The following BRWD1 variants were observed in gnomAD, a reference collection of about 807,000 sequenced individuals.
BRWD1 encodes the protein bromodomain and WD repeat-containing protein 1.
In BRWD1, 82 loss-of-function variants were observed where a neutral mutation model predicts 251.2. That is an observed-to-expected ratio of 0.33 (90% CI 0.27 to 0.39). The LOEUF is 0.39. BRWD1 is among the 10% of genes least tolerant of loss of function. The pLI is 1.00. For synonymous variants in BRWD1, 918 were observed against 902.8 expected, an observed-to-expected ratio of 1.02 and a Z score of -0.30; for missense variants, 2,233 against 2,711.6, an observed-to-expected ratio of 0.82 and a Z score of 3.92.
intron 40 of BRWD1, 60 bp from the exon 41 acceptor site, chr21:39,197,475 C>G: frequency 7.4e-7 from 1 of 1,355,370 alleles, no homozygotes; most frequent in East Asian, 2.3e-5. Flanking sequence ...ATTATATGTT[C>G]AATATTAAAA....
rs551001088 is a variant in BRWD1, at chr21:39,247,114, G to A, written c.2481+587C>T. ...AGGGCCCATTCATATAAAATGTCCA[G>A]AACAGGCAAATGCAGAAAAAGAAAA... On this transcript the variant is annotated intron_variant, in intron 21 of 40. Transcript: ENST00000342449. 1.1e-3 allele frequency among the ~76,000 whole-genome samples: 170 copies of A among 151,704 alleles called. 1 individual carries two copies. Among genetic ancestry groups the A allele is most frequent in the African/African-American group, 3.9e-3 (163 of 41,396 alleles).
intron 18 of BRWD1, among the ~76,000 whole-genome samples, chr21:39,258,282 G>C (rs770258257): frequency 4.6e-5 from 7 of 152,014 alleles, no homozygotes; most frequent in African/African-American, 1.7e-4. Context: ...AGTACAAAAG[G>C]CTTCAGCAGT....
Position 39,255,900 on chromosome 21 carries a change from C to T in BRWD1, c.2072-72G>A. 2.9e-6 allele frequency: 4 copies of T among 1,358,436 alleles called. No homozygotes were observed. In the South Asian group the frequency reaches 3.8e-5, roughly 13 times the overall value. The allele number at this position is 1,358,436 out of a possible 1,614,324, so 84.1% of individuals were successfully genotyped here. A position where few individuals can be genotyped will look rare whatever the true frequency, so the allele number is the denominator to read the frequency against. Reference sequence around the variant, plus strand: ...ATATACATTTAGCATGTAACAAGCACACGTTCACCTAAGATGCGCACCAAA... The same window carrying T: ...ATATACATTTAGCATGTAACAAGCATACGTTCACCTAAGATGCGCACCAAA... On this transcript the variant is annotated intron_variant, in intron 18 of 40. Transcript: ENST00000342449.
At chr21:39,249,933 T>C (rs938923192) in intron 20 of BRWD1, among the ~76,000 whole-genome samples, 3 of 141,724 alleles carry the variant, frequency 2.1e-5, no homozygotes, top group Non-Finnish European at 1.6e-5. Context: ...TGTGTGTGTG[T>C]GTGTGTGTGT....
intron 25 of BRWD1, among the ~76,000 whole-genome samples, chr21:39,231,840 T>C (rs2146551780): frequency 6.6e-6 from 1 of 152,356 alleles, no homozygotes; most frequent in Admixed American, 6.5e-5. Context: ...CCAGTTTTTA[T>C]TTCTTCTTTT....
At chr21:39,247,440 C>T (rs1568911992) in intron 21 of BRWD1, among the ~76,000 whole-genome samples, 2 of 152,144 alleles carry the variant, frequency 1.3e-5, no homozygotes, top group Non-Finnish European at 2.9e-5. Context: ...TGTTTATATA[C>T]AGAAAGTTTC....
intron 19 of BRWD1, 73 bp downstream of exon 19, chr21:39,255,572 C>A: frequency 8.0e-7 from 1 of 1,244,726 alleles, no homozygotes; most frequent in Non-Finnish European, 1.1e-6. Flanking sequence ...TAATGGAATA[C>A]AGAATGTGTA....
At position 39,185,883 on chromosome 21, in the gene BRWD1, C is replaced by T. The variant is rs527696819; in HGVS notation, c.*10376G>A. 23 of 152,174 alleles carry T rather than the reference C, an allele frequency of 1.5e-4. 1 individual carries two copies. The highest frequency in any genetic ancestry group is 1.3e-3 in the Admixed American group (20 of 15,290). The allele number at this position is 152,174 out of a possible 1,614,324, so 9.4% of individuals were successfully genotyped here. A position where few individuals can be genotyped will look rare whatever the true frequency, so the allele number is the denominator to read the frequency against. ...AACACGTTACTATGTTAAAAAGATG[C>T]GACAGTATATTCATTTAATCTGGCA... On this transcript the variant is annotated 3_prime_UTR_variant, in exon 41 of 41. Coordinates refer to ENST00000342449, the MANE Select transcript of BRWD1 (RefSeq NM_033656.4).
At chr21:39,276,318 A>G in intron 11 of BRWD1, 105 bp from the exon 12 acceptor site, 1 of 932,096 alleles carries the variant, frequency 1.1e-6, no homozygotes, top group South Asian at 2.3e-5. Flanking sequence ...TAACAAGCAA[A>G]ATTTGCACTT....
Position 39,236,658 on chromosome 21 carries a change from A to G in BRWD1, c.2703T>C (p.Thr901=), listed in dbSNP as rs774335752. The G allele has an allele frequency of 5.6e-6, 9 of 1,613,724 alleles. No homozygotes were observed. Among genetic ancestry groups the G allele is most frequent in the Non-Finnish European group, 7.6e-6 (9 of 1,179,834 alleles). The part of the protein sequence containing the change: ...FCSSSEDEIS[T]ENLSPPKRRR... ...TTCTTTTTGGAGGAGATAAATTCTC[A>G]GTAGATATTTCATCTTCTGAACTAC... is the stretch of plus-strand genomic sequence containing the variant. The change falls in exon 23 of 41, where the codon ACT becomes ACC. Residue 901 remains threonine (T), a synonymous_variant. Coordinates refer to ENST00000342449, the MANE Select transcript of BRWD1 (RefSeq NM_033656.4).
intron 12 of BRWD1, among the ~76,000 whole-genome samples, chr21:39,275,690 C>A (rs2146688728): frequency 6.6e-6 from 1 of 152,196 alleles, no homozygotes; most frequent in South Asian, 2.1e-4. Context: ...TATTAAAACA[C>A]CACAGTGTAC....
chr21:39,270,915 A>G (rs994294315), intron 13 of BRWD1, among the ~76,000 whole-genome samples: 2 of 152,216 alleles, frequency 1.3e-5, no homozygotes, highest in African/African-American at 4.8e-5. Flanking sequence ...CTCTTCATAC[A>G]ACTTTCCTAC....
At chr21:39,299,098 C>T (rs1016577981) in intron 4 of BRWD1, among the ~76,000 whole-genome samples, 4 of 152,122 alleles carry the variant, frequency 2.6e-5, no homozygotes, top group Admixed American at 1.3e-4. Context: ...TGGTGCACAC[C>T]TGTAGTCCCA....
At position 39,191,179 on chromosome 21, in the gene BRWD1, A is replaced by G. The variant is rs1327257316; in HGVS notation, c.*5080T>C. On this transcript the variant is annotated 3_prime_UTR_variant, in exon 41 of 41. Transcript: ENST00000342449. Reference sequence around the variant, plus strand: ...TCTACCCTATTACTGTACTACTGGAAAGAAACCAGGCCACAGACAATCCAA... The same window carrying G: ...TCTACCCTATTACTGTACTACTGGAGAGAAACCAGGCCACAGACAATCCAA... The G allele has an allele frequency of 6.1e-6, 6 of 985,194 alleles. No homozygotes were observed. Among genetic ancestry groups the G allele is most frequent in the Non-Finnish European group, 7.2e-6 (6 of 829,904 alleles). The allele number at this position is 985,194 out of a possible 1,614,324, so 61.0% of individuals were successfully genotyped here. A position where few individuals can be genotyped will look rare whatever the true frequency, so the allele number is the denominator to read the frequency against.
At position 39,261,036 on chromosome 21, in the gene BRWD1, C is replaced by A. The variant is rs371620479; in HGVS notation, c.1886-2364G>T. ...GGTCAGGAGTTCGAGACCAGACTGGCCAGCATGGTGAAACTTCATCTGTAC... is the reference window on the plus strand; with the variant it reads ...GGTCAGGAGTTCGAGACCAGACTGGACAGCATGGTGAAACTTCATCTGTAC... On this transcript the variant is annotated intron_variant, in intron 17 of 40. Transcript: ENST00000342449. Among the ~76,000 whole-genome samples, 17 of 152,192 alleles carry A rather than the reference C, an allele frequency of 1.1e-4. No homozygotes were observed. In the East Asian group the frequency reaches 2.5e-3, roughly 23 times the overall value.
At position 39,279,694 on chromosome 21, in the gene BRWD1, AT is replaced by A. The variant is rs1452613563; in HGVS notation, c.932+453del. ...GAAAACGAAAACAAAAGGAAAAAAA[AT>A]GTTTTAATACATTAATCAATTGTAA... On this transcript the variant is annotated intron_variant, in intron 9 of 40. Coordinates refer to ENST00000342449, the MANE Select transcript of BRWD1 (RefSeq NM_033656.4). Among the ~76,000 whole-genome samples the A allele has an allele frequency of 7.2e-5, 11 of 151,964 alleles. No individual in the cohort carries two copies. The South Asian group carries it at 2.1e-3, about 29-fold the overall frequency.
At position 39,264,447 on chromosome 21, in the gene BRWD1, A is replaced by T; in HGVS notation, c.1885+13T>A. 7.4e-7 allele frequency: 1 copy of T among 1,360,270 alleles called. No individual in the cohort carries two copies. The highest frequency in any genetic ancestry group is 9.8e-7 in the Non-Finnish European group (1 of 1,015,536). The allele number at this position is 1,360,270 out of a possible 1,614,324, so 84.3% of individuals were successfully genotyped here. A position where few individuals can be genotyped will look rare whatever the true frequency, so the allele number is the denominator to read the frequency against. ...CAACTTTAAAAAAAAAAAAAAAAAAAGACTGCACTTACTTGTTGCCACATA... is the reference window on the plus strand; with the variant it reads ...CAACTTTAAAAAAAAAAAAAAAAAATGACTGCACTTACTTGTTGCCACATA... On this transcript the variant is annotated intron_variant, in intron 17 of 40. Coordinates refer to ENST00000342449, the MANE Select transcript of BRWD1 (RefSeq NM_033656.4).
chr21:39,206,119 G>C lies in BRWD1; in HGVS notation c.4353C>G (p.Asn1451Lys). 3.1e-6 allele frequency: 5 copies of C among 1,607,036 alleles called. No individual in the cohort carries two copies. The highest frequency in any genetic ancestry group is 4.2e-6 in the Non-Finnish European group (5 of 1,177,964). Reference sequence around the variant, plus strand: ...CATAACCAGTTTACCTGATACTTTTGTTAGGCTGACTGTCACCTTTACAAT... The same window carrying C: ...CATAACCAGTTTACCTGATACTTTTCTTAGGCTGACTGTCACCTTTACAAT... ...RQNCKGDSQP[N>K]KSIRNLKPKR... Residue 1451 changes from asparagine to lysine, a missense_variant, in exon 37 of 41, where the codon AAC becomes AAG. By Grantham distance (94) the Asn-to-Lys change is moderately conservative. Transcript: ENST00000342449.
intron 36 of BRWD1, among the ~76,000 whole-genome samples, chr21:39,206,891 T>C (rs1412374096): frequency 2.0e-5 from 3 of 151,366 alleles, no homozygotes; most frequent in Non-Finnish European, 4.4e-5. Context: ...AACTACTCTA[T>C]CCTCCTCCAC....
Sources: allele counts gnomAD v4.1 joint callset (sites outside exome capture counted in the v4.1 genomes callset), GRCh38; gene constraint gnomAD v4.1.1; transcripts MANE v1.5; gene names NCBI Gene and HGNC (gene_info 2026-07-23, HGNC 2026-07-21).